Variants in GNB1 observed in about 807,000 individuals in gnomAD.
The protein encoded by GNB1 is G protein subunit beta 1.
GNB1 carries 2 observed loss-of-function variants against 42.9 expected under a neutral mutation model. The ratio of observed to expected loss-of-function variants is 0.05; its 90% CI spans 0.02 to 0.15. GNB1 has a LOEUF of 0.15. Among genes scored for constraint, GNB1 ranks in the 10% least tolerant of loss-of-function variants. The probability of loss-of-function intolerance (pLI) is 1.00; values close to 1 mark genes in which losing one functional copy is unlikely to be tolerated. For synonymous variants in GNB1, 183 were observed against 174.7 expected, an observed-to-expected ratio of 1.05 and a Z score of -0.38; for missense variants, 193 against 462.2, an observed-to-expected ratio of 0.42 and a Z score of 5.34.
intron 1 of GNB1, among the ~76,000 whole-genome samples, chr1:1,841,677 T>C (rs1647247405): frequency 6.6e-6 from 1 of 152,216 alleles, no homozygotes; most frequent in Non-Finnish European, 1.5e-5. Flanking sequence ...AGTTGAACTG[T>C]GAATTCTAAT....
intron 1 of GNB1, among the ~76,000 whole-genome samples, chr1:1,858,771 G>A (rs1648441915): frequency 6.6e-6 from 1 of 152,216 alleles, no homozygotes; most frequent in Admixed American, 6.5e-5. Context: ...CACAGCTCGA[G>A]GGGGTTCGTG....
intron 7 of GNB1, among the ~76,000 whole-genome samples, chr1:1,799,221 A>AG (rs1646591069): frequency 6.6e-6 from 1 of 152,130 alleles, no homozygotes; most frequent in South Asian, 2.1e-4. Context: ...CGCCCAGCCC[A>AG]CAAACACTCT....
chr1:1,804,323 TA>T (rs1557889705), intron 7 of GNB1, 95 bp downstream of exon 7: 3 of 799,248 alleles, frequency 3.8e-6, no homozygotes, highest in Admixed American at 2.6e-5. Flanking sequence ...ATTAATTAAT[TA>T]AAAAATGATT....
chr1:1,884,819 A>C (rs192821651), intron 1 of GNB1, among the ~76,000 whole-genome samples: 1 of 151,844 alleles, frequency 6.6e-6, no homozygotes, highest in Admixed American at 6.6e-5. Context: ...AGTAGCTGGG[A>C]CTACAGGTGC....
Position 1,787,104 on chromosome 1 carries a change from T to C in GNB1, c.*10-51A>G, listed in dbSNP as rs1422206914. 2 of 428,500 alleles carry C rather than the reference T, an allele frequency of 4.7e-6. No individual in the cohort carries two copies. Among genetic ancestry groups the C allele is most frequent in the African/African-American group, 4.1e-5 (2 of 49,034 alleles). 26.5% of individuals were successfully genotyped at this position (428,500 alleles called of 1,614,324 possible). The stretch of plus-strand genomic sequence containing the variant: ...TGTGAAAAGAGGCAGAGAATCTAAG[T>C]GCAGACGCACAGCCAGGTCACTGCT... On this transcript the variant is annotated intron_variant, in intron 11 of 11. Coordinates refer to ENST00000378609, the MANE Select transcript of GNB1 (RefSeq NM_002074.5). The surrounding 1 kb of genome is among the most constrained non-coding windows in gnomAD (Gnocchi z 4.4).
At chr1:1,887,583 ATACTAGC>A (rs1650226165) in intron 1 of GNB1, among the ~76,000 whole-genome samples, 1 of 152,242 alleles carries the variant, frequency 6.6e-6, no homozygotes, top group Non-Finnish European at 1.5e-5. Context: ...TACCTAGATG[ATACTAGC>A]TTTGAAATCA....
chr1:1,869,185 CAAA>C (rs71578347), intron 1 of GNB1, among the ~76,000 whole-genome samples: 6 of 26,746 alleles, frequency 2.2e-4, no homozygotes, highest in African/African-American at 5.1e-4. Context: ...GACACCTTCT[CAAA>C]AAAAAAAAAA....
intron 1 of GNB1, among the ~76,000 whole-genome samples, chr1:1,841,418 A>G (rs1432797321): frequency 6.6e-6 from 1 of 152,042 alleles, no homozygotes; most frequent in Non-Finnish European, 1.5e-5. Flanking sequence ...GACCTCAGGT[A>G]ATCCGCCTGT....
chr1:1,812,132 A>G (rs1362230675), intron 5 of GNB1, among the ~76,000 whole-genome samples: 1 of 152,126 alleles, frequency 6.6e-6, no homozygotes. Context: ...AACAAGCAAT[A>G]ACATTTGTTT....
At chr1:1,886,427 A>G (rs1001083510) in intron 1 of GNB1, among the ~76,000 whole-genome samples, 1 of 152,240 alleles carries the variant, frequency 6.6e-6, no homozygotes, top group African/African-American at 2.4e-5. Context: ...GCTTTGAAAT[A>G]GGTGGTGCTC....
At chr1:1,847,445 G>A (rs377762291) in intron 1 of GNB1, among the ~76,000 whole-genome samples, 4 of 152,094 alleles carry the variant, frequency 2.6e-5, no homozygotes, top group South Asian at 2.1e-4. Context: ...CAATACTGAC[G>A]GCAATGAAGT....
intron 4 of GNB1, 86 bp downstream of exon 4, chr1:1,817,751 G>GC: frequency 1.1e-6 from 1 of 897,298 alleles, no homozygotes; most frequent in South Asian, 1.4e-5. Flanking sequence ...GAGAATGCAA[G>GC]CAGAGCCCTC....
intron 1 of GNB1, among the ~76,000 whole-genome samples, chr1:1,886,529 A>C (rs1650167299): frequency 6.6e-6 from 1 of 152,038 alleles, no homozygotes; most frequent in South Asian, 2.1e-4. Context: ...TTTTTCTTTC[A>C]GTAATGTTGA....
rs575115057 is a variant in GNB1 at position 1,832,005 on chromosome 1, G to A, written c.-46-6506C>T. 3.3e-5 allele frequency among the ~76,000 whole-genome samples: 5 copies of A among 149,452 alleles called. No individual in the cohort carries two copies. The East Asian group carries it at 1.0e-3, about 30-fold the overall frequency. On this transcript the variant is annotated intron_variant, in intron 2 of 11. Transcript: ENST00000378609. ...TTGAGCCTGGGAAATTGAGGCTACA[G>A]TGAGCCATGACTGTTCCACTACACT...
intron 1 of GNB1, among the ~76,000 whole-genome samples, chr1:1,872,105 G>A (rs765699734): frequency 2.0e-5 from 3 of 151,444 alleles, no homozygotes; most frequent in African/African-American, 7.3e-5. Flanking sequence ...GGGCTGAAGC[G>A]ATGCTCCCTC....
At chr1:1,838,419 AATCATGTTCAC>A (rs1647179824) in intron 2 of GNB1, among the ~76,000 whole-genome samples, 1 of 151,474 alleles carries the variant, frequency 6.6e-6, no homozygotes, top group South Asian at 2.1e-4. Flanking sequence ...TGTTTTCCTG[AATCATGTTCAC>A]CTTACTTTTT....
intron 5 of GNB1, among the ~76,000 whole-genome samples, chr1:1,815,070 C>T (rs966239640): frequency 5.3e-5 from 8 of 150,934 alleles, no homozygotes; most frequent in Non-Finnish European, 1.2e-4. Context: ...CGAGATTGCC[C>T]CACCGCACTC....
At chr1:1,842,808 A>C (rs1377879069) in intron 1 of GNB1, among the ~76,000 whole-genome samples, 1 of 152,234 alleles carries the variant, frequency 6.6e-6, no homozygotes, top group East Asian at 1.9e-4. Flanking sequence ...TCAGAAAAAA[A>C]GTTGGGTGTG....
At chr1:1,856,626 C>T (rs1648314123) in intron 1 of GNB1, among the ~76,000 whole-genome samples, 1 of 152,018 alleles carries the variant, frequency 6.6e-6, no homozygotes, top group Admixed American at 6.6e-5. Flanking sequence ...CAGGGTTTCA[C>T]CATGTTGGCC....
Sources: allele counts gnomAD v4.1 joint callset (sites outside exome capture counted in the v4.1 genomes callset), GRCh38; gene constraint gnomAD v4.1.1; non-coding constraint Gnocchi (gnomAD v3.1); transcripts MANE v1.5; gene names NCBI Gene and HGNC (gene_info 2026-07-23, HGNC 2026-07-21).